Variants in TTLL11 observed in about 807,000 individuals in gnomAD.
TTLL11 encodes tubulin polyglutamylase TTLL11.
TTLL11 carries 42 observed loss-of-function variants against 51.7 expected under a neutral mutation model. That is an observed-to-expected ratio of 0.81 (90% CI 0.64 to 1.05). The LOEUF (loss-of-function observed/expected upper bound fraction) is 1.05. Among genes scored for constraint, TTLL11 ranks in the 50% least tolerant of loss-of-function variants. The pLI is 0.00. For synonymous variants in TTLL11, 381 were observed against 383.5 expected (o/e 0.99, Z 0.08); for missense variants, 799 against 940.4 (o/e 0.85, Z 1.97).
intron 1 of TTLL11, among the ~76,000 whole-genome samples, chr9:122,055,206 T>C (rs950633846): frequency 2.0e-5 from 3 of 146,890 alleles, no homozygotes; most frequent in Non-Finnish European, 4.5e-5. Flanking sequence ...ACTAATAGGA[T>C]AGATAGATAG....
intron 4 of TTLL11, among the ~76,000 whole-genome samples, chr9:121,984,764 A>C (rs1842905669): frequency 2.0e-5 from 3 of 152,244 alleles, no homozygotes; most frequent in Admixed American, 1.3e-4. Context: ...GGGAGCTAGA[A>C]GAAGATACAG....
intron 3 of TTLL11, among the ~76,000 whole-genome samples, chr9:122,028,531 A>G (rs1844422293): frequency 1.3e-5 from 2 of 152,224 alleles, no homozygotes; most frequent in Admixed American, 1.3e-4. Context: ...TTCAAAATGC[A>G]TGAGGAAAAC....
At position 121,968,062 on chromosome 9, in the gene TTLL11, C is replaced by T. The variant is rs75495445; in HGVS notation, c.1481+5947G>A. On this transcript the variant is annotated intron_variant, in intron 6 of 8. Transcript: ENST00000321582. ...CAAAACGCTGTGGAGCTAGTGGTGA[C>T]GGTTGCACGACTTTGTGAATGTACT... Among the ~76,000 whole-genome samples, 1,060 of 152,214 alleles carry T rather than the reference C, an allele frequency of 7.0e-3. 14 individuals carry two copies. Among genetic ancestry groups the T allele is most frequent in the African/African-American group, 0.022 (917 of 41,524 alleles).
chr9:121,899,393 A>ATATG (rs1839681530), intron 6 of TTLL11, among the ~76,000 whole-genome samples: 1 of 127,908 alleles, frequency 7.8e-6, no homozygotes, highest in African/African-American at 2.7e-5. Context: ...ATATATATAT[A>ATATG]TATATATATA....
chr9:121,868,480 A>C (rs188340299), intron 7 of TTLL11, among the ~76,000 whole-genome samples: 33 of 152,324 alleles, frequency 2.2e-4, no homozygotes, highest in Non-Finnish European at 2.6e-4. Flanking sequence ...GATCTAATTC[A>C]TGTGTGGAGG....
intron 7 of TTLL11, among the ~76,000 whole-genome samples, chr9:121,868,918 G>A (rs1332521934): frequency 6.6e-6 from 1 of 152,214 alleles, no homozygotes; most frequent in Non-Finnish European, 1.5e-5. Context: ...CTAGGCATCA[G>A]GCCAGCTGCT....
intron 6 of TTLL11, among the ~76,000 whole-genome samples, chr9:121,910,503 G>A (rs892399373): frequency 6.6e-6 from 1 of 152,202 alleles, no homozygotes; most frequent in Non-Finnish European, 1.5e-5. Flanking sequence ...TCAGCTGAGT[G>A]TAACAGTTTG....
intron 4 of TTLL11, among the ~76,000 whole-genome samples, chr9:121,977,639 C>T (rs371828332): frequency 6.6e-6 from 1 of 151,746 alleles, no homozygotes; most frequent in Non-Finnish European, 1.5e-5. Flanking sequence ...TACCTTAGTT[C>T]ATCCATTCAG....
chr9:122,049,543 C>T (rs1337371007), intron 1 of TTLL11, among the ~76,000 whole-genome samples: 1 of 152,210 alleles, frequency 6.6e-6, no homozygotes, highest in East Asian at 1.9e-4. Flanking sequence ...CTACATGCTA[C>T]CATCTTTGTC....
intron 6 of TTLL11, among the ~76,000 whole-genome samples, chr9:121,915,331 A>G (rs779315122): frequency 3.3e-5 from 5 of 152,226 alleles, no homozygotes; most frequent in Non-Finnish European, 7.3e-5. Flanking sequence ...TTGACATACG[A>G]AAGTGCCATT....
At chr9:122,064,137 T>C (rs1430182288) in intron 1 of TTLL11, among the ~76,000 whole-genome samples, 2 of 152,192 alleles carry the variant, frequency 1.3e-5, no homozygotes, top group Non-Finnish European at 2.9e-5. Context: ...TTTTAAAATA[T>C]TAAGTTTAAT....
At chr9:122,036,326 T>C (rs1348361641) in intron 2 of TTLL11, among the ~76,000 whole-genome samples, 1 of 151,926 alleles carries the variant, frequency 6.6e-6, no homozygotes, top group Non-Finnish European at 1.5e-5. Flanking sequence ...ACCTGCCATG[T>C]GATGCCATAC....
chr9:121,980,241 A>C (rs1842799800), intron 4 of TTLL11, among the ~76,000 whole-genome samples: 1 of 152,222 alleles, frequency 6.6e-6, no homozygotes, highest in African/African-American at 2.4e-5. Flanking sequence ...AGATAAATTC[A>C]GAGAATGAGA....
intron 7 of TTLL11, among the ~76,000 whole-genome samples, chr9:121,862,743 A>C (rs899103047): frequency 6.6e-6 from 1 of 152,258 alleles, no homozygotes; most frequent in Non-Finnish European, 1.5e-5. Context: ...GCCAGCTGTC[A>C]GGTTGGCTGA....
Position 121,822,896 on chromosome 9 carries a change from T to C in TTLL11, c.1841-17A>G. ...GACACATCCCTGTGAACAAAGAGAC[T>C]GGATGAGGGGGTGCACACAGCTGCC... On this transcript the variant is annotated splice_polypyrimidine_tract_variant and intron_variant, in intron 8 of 8. Transcript: ENST00000321582. This position sits in a 1 kb window ranked among gnomAD's most constrained non-coding sequence, Gnocchi z 5.8. The C allele has an allele frequency of 1.3e-6, 2 of 1,539,734 alleles. No homozygotes were observed. The highest frequency in any genetic ancestry group is 1.8e-6 in the Non-Finnish European group (2 of 1,141,008).
chr9:121,823,177 G>T (rs1454730558), intron 8 of TTLL11, among the ~76,000 whole-genome samples: 1 of 152,264 alleles, frequency 6.6e-6, no homozygotes, highest in African/African-American at 2.4e-5. Flanking sequence ...CACGGAGAGA[G>T]CTGGGGAAAG....
chr9:122,043,993 T>C (rs2131833918), intron 1 of TTLL11, among the ~76,000 whole-genome samples: 1 of 152,348 alleles, frequency 6.6e-6, no homozygotes, highest in South Asian at 2.1e-4. Context: ...TATCTCCTAA[T>C]GCTATCCCTT....
chr9:122,015,010 C>G (rs980625467), intron 3 of TTLL11, among the ~76,000 whole-genome samples: 1 of 152,072 alleles, frequency 6.6e-6, no homozygotes, highest in Non-Finnish European at 1.5e-5. Flanking sequence ...GTTGTATAAC[C>G]GGGAGCAAGT....
chr9:121,951,092 C>A (rs180828915), intron 6 of TTLL11, among the ~76,000 whole-genome samples: 1 of 152,260 alleles, frequency 6.6e-6, no homozygotes, highest in East Asian at 1.9e-4. Context: ...AACATCAGCT[C>A]GTGAACACTC....
Sources: allele counts gnomAD v4.1 joint callset (sites outside exome capture counted in the v4.1 genomes callset), GRCh38; gene constraint gnomAD v4.1.1; non-coding constraint Gnocchi (gnomAD v3.1); transcripts MANE v1.5; gene names NCBI Gene and HGNC (gene_info 2026-07-23, HGNC 2026-07-21).